Variants in ANKRD44 observed in about 807,000 individuals in gnomAD.
ANKRD44 encodes the protein ankyrin repeat domain 44, also known as serine/threonine-protein phosphatase 6 regulatory ankyrin repeat subunit B.
In ANKRD44, 35 loss-of-function variants were observed where a neutral mutation model predicts 116.0. The ratio of observed to expected loss-of-function variants is 0.30; its 90% CI spans 0.23 to 0.40. The LOEUF (loss-of-function observed/expected upper bound fraction) is 0.40, where lower values mean the gene tolerates loss of function less well. ANKRD44 is among the 10% of genes least tolerant of loss of function. The probability of loss-of-function intolerance (pLI) is 1.00; values close to 1 mark genes in which losing one functional copy is unlikely to be tolerated. For synonymous variants in ANKRD44, 435 were observed against 461.8 expected, an observed-to-expected ratio of 0.94 and a Z score of 0.74; for missense variants, 1,014 against 1,242.6, an observed-to-expected ratio of 0.82 and a Z score of 2.77.
intron 27 of ANKRD44, chr2:196,990,108 T>C: frequency 3.0e-6 from 3 of 1,002,252 alleles, no homozygotes; most frequent in Non-Finnish European, 3.6e-6. Context: ...CAGAAAGAAG[T>C]TCTGGATATT....
At chr2:197,149,858 T>C (rs974837651) in intron 2 of ANKRD44, among the ~76,000 whole-genome samples, 2 of 152,128 alleles carry the variant, frequency 1.3e-5, no homozygotes, top group Non-Finnish European at 2.9e-5. Context: ...CCACTCTACT[T>C]TGCCATAAGC....
intron 10 of ANKRD44, among the ~76,000 whole-genome samples, chr2:197,092,144 T>G (rs1248855170): frequency 6.6e-6 from 1 of 152,218 alleles, no homozygotes; most frequent in African/African-American, 2.4e-5. Context: ...TCCTGTGTAC[T>G]TGTAAGCATC....
intron 16 of ANKRD44, among the ~76,000 whole-genome samples, chr2:197,049,489 A>G (rs932731189): frequency 9.2e-5 from 14 of 152,108 alleles, no homozygotes; most frequent in African/African-American, 3.4e-4. Context: ...CTCCAATAAC[A>G]CCTACACAAT....
At chr2:197,028,794 CT>C in intron 16 of ANKRD44, 12 of 216,488 alleles carry the variant, frequency 5.5e-5, no homozygotes, top group South Asian at 1.3e-4. Flanking sequence ...GTAGTGCTGC[CT>C]TTTTTCCCAC....
chr2:197,037,675 T>C (rs2076833167), intron 16 of ANKRD44, among the ~76,000 whole-genome samples: 1 of 152,242 alleles, frequency 6.6e-6, no homozygotes, highest in Admixed American at 6.5e-5. Flanking sequence ...CAGTGGCTTA[T>C]GCCTGTAATC....
chr2:197,190,997 T>C (rs1210578763), intron 1 of ANKRD44, among the ~76,000 whole-genome samples: 1 of 151,966 alleles, frequency 6.6e-6, no homozygotes, highest in Non-Finnish European at 1.5e-5. Flanking sequence ...GAAAAACAAA[T>C]AGTGGTAGGA....
At chr2:197,122,140 C>A (rs2697272) in intron 7 of ANKRD44, among the ~76,000 whole-genome samples, 142,194 of 152,116 alleles carry the variant, frequency 0.93, 66,687 homozygotes, top group East Asian at 1. Context: ...GCCTGGTTTC[C>A]TCATTATGGT....
Position 196,987,248 on chromosome 2 carries a change from G to C in ANKRD44, c.*2343C>G. The C allele has an allele frequency of 2.0e-6, 2 of 985,000 alleles. No individual in the cohort carries two copies. The highest frequency in any genetic ancestry group is 2.4e-6 in the Non-Finnish European group (2 of 829,678). 61.0% of individuals were successfully genotyped at this position (985,000 alleles called of 1,614,324 possible). On this transcript the variant is annotated 3_prime_UTR_variant, in exon 28 of 28. Transcript: ENST00000282272. ...CAAACAATTCCTATAGAAAACTTAA[G>C]CATTTTCATATTCATTTCAATGCAA...
intron 16 of ANKRD44, among the ~76,000 whole-genome samples, chr2:197,074,603 C>T (rs1317985151): frequency 2.0e-5 from 3 of 152,138 alleles, no homozygotes; most frequent in African/African-American, 7.2e-5. Context: ...TCCTGAGTAG[C>T]TAGGACTACA....
At chr2:197,195,488 AG>A (rs1178740830) in intron 1 of ANKRD44, among the ~76,000 whole-genome samples, 1 of 152,162 alleles carries the variant, frequency 6.6e-6, no homozygotes, top group South Asian at 2.1e-4. Context: ...CAGTCTCCCC[AG>A]GTGCTACTTA....
chr2:197,076,507 T>A (rs2077668744), intron 16 of ANKRD44, among the ~76,000 whole-genome samples: 1 of 152,162 alleles, frequency 6.6e-6, no homozygotes, highest in African/African-American at 2.4e-5. Flanking sequence ...TTGGGGTTTT[T>A]AAAAAAACTT....
chr2:197,254,257 G>A (rs1417129980), intron 1 of ANKRD44, among the ~76,000 whole-genome samples: 1 of 152,098 alleles, frequency 6.6e-6, no homozygotes, highest in Non-Finnish European at 1.5e-5. Context: ...GCCGGGCGTG[G>A]CGGTGGGTGC....
At position 197,187,375 on chromosome 2, in the gene ANKRD44, C is replaced by G. The variant is rs114021714; in HGVS notation, c.28-269G>C. ...ACAGTGAATGTACCATGAACACCAC[C>G]CATCACTGAAACTTTGATAGGCCCT... On this transcript the variant is annotated intron_variant, in intron 1 of 27. Coordinates refer to ENST00000282272, the MANE Select transcript of ANKRD44 (RefSeq NM_001195144.2). Among the ~76,000 whole-genome samples the G allele has an allele frequency of 2.1e-3, 327 of 152,260 alleles. 2 individuals carry two copies. Among genetic ancestry groups the G allele is most frequent in the African/African-American group, 7.3e-3 (305 of 41,552 alleles).
At chr2:197,183,915 C>T (rs1304738712) in intron 2 of ANKRD44, among the ~76,000 whole-genome samples, 1 of 152,220 alleles carries the variant, frequency 6.6e-6, no homozygotes, top group East Asian at 1.9e-4. Context: ...TCAGGTTACA[C>T]ATCACTTTAT....
intron 2 of ANKRD44, among the ~76,000 whole-genome samples, chr2:197,173,150 A>G (rs571753421): frequency 5.1e-4 from 78 of 152,330 alleles, no homozygotes; most frequent in African/African-American, 1.7e-3. Context: ...TATTCATAGT[A>G]CAGCCCCAAC....
intron 1 of ANKRD44, among the ~76,000 whole-genome samples, chr2:197,307,404 AG>A (rs746029650): frequency 1.2e-4 from 19 of 152,296 alleles, no homozygotes; most frequent in Non-Finnish European, 2.1e-4. Flanking sequence ...CAGGATGGTT[AG>A]TGCCCCCTAA....
intron 1 of ANKRD44, among the ~76,000 whole-genome samples, chr2:197,293,521 G>A (rs893175403): frequency 2.0e-5 from 3 of 152,140 alleles, no homozygotes; most frequent in African/African-American, 7.2e-5. Flanking sequence ...TAAAGATTAG[G>A]CAGTGCTGTG....
chr2:197,194,092 A>G (rs1559139329), intron 1 of ANKRD44, among the ~76,000 whole-genome samples: 1 of 152,188 alleles, frequency 6.6e-6, no homozygotes, highest in African/African-American at 2.4e-5. Context: ...AAAATACTAC[A>G]GAGTAAATAA....
chr2:197,269,135 T>A (rs1395894562), intron 1 of ANKRD44, among the ~76,000 whole-genome samples: 1 of 152,202 alleles, frequency 6.6e-6, no homozygotes, highest in African/African-American at 2.4e-5. Flanking sequence ...CATGAAGATA[T>A]ATACTTATTA....
Sources: allele counts gnomAD v4.1 joint callset (sites outside exome capture counted in the v4.1 genomes callset), GRCh38; gene constraint gnomAD v4.1.1; transcripts MANE v1.5; gene names NCBI Gene and HGNC (gene_info 2026-07-23, HGNC 2026-07-21).